SOS2: variants seen among roughly 807,000 people sequenced by gnomAD.
The protein encoded by SOS2 is SOS Ras/Rho guanine nucleotide exchange factor 2, also known as son of sevenless homolog 2.
SOS2 carries 65 observed loss-of-function variants against 148.2 expected under a neutral mutation model. The observed-to-expected ratio is 0.44, with a 90% CI of 0.36 to 0.54. SOS2 has a LOEUF of 0.54. Among genes scored for constraint, SOS2 ranks in the 20% least tolerant of loss-of-function variants. The pLI is 0.00. For synonymous variants in SOS2, 539 were observed against 537.1 expected (o/e 1.00, Z -0.05); for missense variants, 1,341 against 1,590.2 (o/e 0.84, Z 2.67).
chr14:50,204,625 T>C (rs895297736), intron 1 of SOS2, among the ~76,000 whole-genome samples: 1 of 152,200 alleles, frequency 6.6e-6, no homozygotes, highest in Non-Finnish European at 1.5e-5. Context: ...GAAAAATCTA[T>C]GGAAAGCCAT....
At chr14:50,188,831 G>T (rs1338873977) in intron 4 of SOS2, 131 bp from the exon 5 acceptor site, 2 of 630,402 alleles carry the variant, frequency 3.2e-6, no homozygotes, top group Non-Finnish European at 2.6e-6. Context: ...GGGAGGCCAA[G>T]GCAGGAGGAT....
intron 14 of SOS2, among the ~76,000 whole-genome samples, chr14:50,149,672 C>T (rs1884601393): frequency 6.6e-6 from 1 of 152,182 alleles, no homozygotes; most frequent in African/African-American, 2.4e-5. Flanking sequence ...ATTCTATTCA[C>T]TTAGCTGCTA....
intron 3 of SOS2, among the ~76,000 whole-genome samples, chr14:50,200,361 C>T (rs150527383): frequency 6.6e-6 from 1 of 151,990 alleles, no homozygotes; most frequent in Non-Finnish European, 1.5e-5. Context: ...TATGCAATAG[C>T]CAAACTAGGT....
intron 7 of SOS2, among the ~76,000 whole-genome samples, chr14:50,175,428 C>CTTTTTTTTTTT (rs71441277): frequency 4.2e-5 from 5 of 119,834 alleles, no homozygotes; most frequent in East Asian, 2.5e-4. Context: ...AGGAGTAATA[C>CTTTTTTTTTTT]TTTTTTTTTT....
chr14:50,215,485 T>C (rs1348654591), intron 1 of SOS2: 2 of 1,242,060 alleles, frequency 1.6e-6, no homozygotes, highest in Non-Finnish European at 2.1e-6. Flanking sequence ...TTGCCTATCA[T>C]ATTTTTTGAA....
At chr14:50,230,791 C>T (rs1191290787) in intron 1 of SOS2, 2 of 594,728 alleles carry the variant, frequency 3.4e-6, no homozygotes, top group Non-Finnish European at 4.2e-6. Flanking sequence ...ACAAGCAAAC[C>T]GCCTAGGGGG....
At chr14:50,215,011 A>AT (rs1465266405) in intron 1 of SOS2, among the ~76,000 whole-genome samples, 24 of 149,280 alleles carry the variant, frequency 1.6e-4, no homozygotes, top group Non-Finnish European at 2.7e-4. Context: ...AATTTTTTGT[A>AT]TTTTTTAGTA....
At chr14:50,222,902 G>A (rs890538625) in intron 1 of SOS2, among the ~76,000 whole-genome samples, 1 of 152,136 alleles carries the variant, frequency 6.6e-6, no homozygotes, top group Non-Finnish European at 1.5e-5. Flanking sequence ...GGGAGAAAAA[G>A]AAACTAAATA....
chr14:50,218,093 C>A (rs1249518653), intron 1 of SOS2, among the ~76,000 whole-genome samples: 1 of 147,506 alleles, frequency 6.8e-6, no homozygotes, highest in Non-Finnish European at 1.5e-5. Context: ...AGGCCAGGAG[C>A]TTAAGACCAG....
intron 3 of SOS2, among the ~76,000 whole-genome samples, chr14:50,200,688 A>T (rs1886458739): frequency 6.6e-6 from 1 of 152,076 alleles, no homozygotes; most frequent in South Asian, 2.1e-4. Flanking sequence ...TCTACTTAAA[A>T]AAAAAAAAGA....
chr14:50,211,882 A>G (rs956897949), intron 1 of SOS2, among the ~76,000 whole-genome samples: 7 of 152,216 alleles, frequency 4.6e-5, no homozygotes, highest in African/African-American at 1.7e-4. Flanking sequence ...TATTAATAAT[A>G]CCTTCCAAAA....
At chr14:50,191,913 T>A (rs534640921) in intron 4 of SOS2, among the ~76,000 whole-genome samples, 3 of 152,036 alleles carry the variant, frequency 2.0e-5, no homozygotes, top group African/African-American at 7.2e-5. Flanking sequence ...AGGTCACCAG[T>A]CTGAAACTGG....
chr14:50,131,755 C>T (rs1883881640), intron 19 of SOS2, among the ~76,000 whole-genome samples: 1 of 152,010 alleles, frequency 6.6e-6, no homozygotes. Context: ...GACAATGCCC[C>T]AAAGAAATCA....
chr14:50,203,307 GCAGTGAGCCAAGATCA>G (rs1478182324), intron 2 of SOS2, among the ~76,000 whole-genome samples: 5 of 152,130 alleles, frequency 3.3e-5, no homozygotes, highest in Non-Finnish European at 7.4e-5. Flanking sequence ...AGCTGAGGTT[GCAGTGAGCCAAGATCA>G]CACCACTGTA....
intron 2 of SOS2, 72 bp downstream of exon 2, chr14:50,204,212 G>A: frequency 1.2e-6 from 1 of 858,826 alleles, no homozygotes; most frequent in Non-Finnish European, 1.7e-6. Context: ...CAATAAATTA[G>A]AATGATATAG....
chr14:50,167,836 C>T (rs1356682472), intron 8 of SOS2, among the ~76,000 whole-genome samples: 1 of 151,494 alleles, frequency 6.6e-6, no homozygotes, highest in Non-Finnish European at 1.5e-5. Flanking sequence ...CCACTGCACT[C>T]CAGCCTGGGC....
intron 8 of SOS2, among the ~76,000 whole-genome samples, chr14:50,161,900 G>A (rs1304427355): frequency 6.6e-6 from 1 of 150,520 alleles, no homozygotes; most frequent in Admixed American, 6.6e-5. Flanking sequence ...ACAGGCGAAT[G>A]CCACCACACC....
Position 50,118,756 on chromosome 14 carries a change from A to G in SOS2, c.3587T>C (p.Phe1196Ser). 6.2e-7 allele frequency: 1 copy of G among 1,612,118 alleles called. No individual in the cohort carries two copies. Among genetic ancestry groups the G allele is most frequent in the South Asian group, 1.1e-5 (1 of 90,958 alleles). The change falls in exon 23 of 23, where the codon TTT becomes TCT. Residue 1196 changes from phenylalanine (F) to serine (S), a missense_variant. Physicochemically the swap from Phe to Ser is radical, Grantham distance 155. This residue lies in a region of SOS2 where 354 missense variants were observed against 347.7 expected (regional missense o/e 1.02). Transcript: ENST00000216373. ...AGGTGGACTATGCAGAGGCCCATCAAATGCACCAGTAGGAACAGGAACTCT... is the reference window on the plus strand; with the variant it reads ...AGGTGGACTATGCAGAGGCCCATCAGATGCACCAGTAGGAACAGGAACTCT... ...KPRVPVPTGAFDGPLHSPPPP... is the reference protein window; with the variant it reads ...KPRVPVPTGASDGPLHSPPPP...
At chr14:50,167,959 A>G (rs1374263214) in intron 8 of SOS2, among the ~76,000 whole-genome samples, 1 of 152,136 alleles carries the variant, frequency 6.6e-6, no homozygotes, top group Non-Finnish European at 1.5e-5. Flanking sequence ...TAAAAGGTAA[A>G]AAAATATTAC....
Sources: allele counts gnomAD v4.1 joint callset (sites outside exome capture counted in the v4.1 genomes callset), GRCh38; gene constraint gnomAD v4.1.1; regional missense constraint gnomAD v4.1.1; transcripts MANE v1.5; gene names NCBI Gene and HGNC (gene_info 2026-07-23, HGNC 2026-07-21).